Variants in SLIT2 observed in about 807,000 individuals in gnomAD.
SLIT2 encodes the protein slit homolog 2 protein.
SLIT2 carries 41 observed loss-of-function variants against 185.7 expected under a neutral mutation model. The ratio of observed to expected loss-of-function variants is 0.22; its 90% CI spans 0.17 to 0.29. The LOEUF (loss-of-function observed/expected upper bound fraction) is 0.29. SLIT2 is among the 10% of genes least tolerant of loss of function. The pLI is 1.00. For missense variants in SLIT2, 1,571 were observed against 1,909.0 expected, an observed-to-expected ratio of 0.82 and a Z score of 3.30; for synonymous variants, 693 against 680.2, an observed-to-expected ratio of 1.02 and a Z score of -0.29.
intron 6 of SLIT2, among the ~76,000 whole-genome samples, chr4:20,485,458 G>A (rs189905605): frequency 9.5e-4 from 145 of 152,210 alleles, no homozygotes; most frequent in Middle Eastern, 3.4e-3. Context: ...GGAAAAGTAA[G>A]GATGTTATTT....
At chr4:20,551,949 CTG>C (rs1235705987) in intron 25 of SLIT2, among the ~76,000 whole-genome samples, 1 of 152,146 alleles carries the variant, frequency 6.6e-6, no homozygotes, top group Non-Finnish European at 1.5e-5. Context: ...CTTATAGAGT[CTG>C]TGTTATCAAT....
chr4:20,330,717 A>G (rs1469885415), intron 4 of SLIT2, among the ~76,000 whole-genome samples: 1 of 150,138 alleles, frequency 6.7e-6, no homozygotes, highest in African/African-American at 2.5e-5. Context: ...TTTTTTTCCT[A>G]TTTCCAGAAA....
intron 4 of SLIT2, among the ~76,000 whole-genome samples, chr4:20,310,070 T>C (rs915780972): frequency 1.3e-5 from 2 of 152,080 alleles, no homozygotes; most frequent in South Asian, 2.1e-4. Flanking sequence ...CCCTCTAGTC[T>C]CTTATCAGAT....
intron 4 of SLIT2, among the ~76,000 whole-genome samples, chr4:20,315,041 AAC>A (rs1718450413): frequency 2.9e-5 from 4 of 138,274 alleles, no homozygotes; most frequent in East Asian, 6.4e-4. Flanking sequence ...AAAAATTATA[AAC>A]ATGTGATCAT....
intron 6 of SLIT2, among the ~76,000 whole-genome samples, chr4:20,482,414 A>G (rs1242017008): frequency 2.0e-5 from 3 of 152,024 alleles, no homozygotes; most frequent in Non-Finnish European, 4.4e-5. Context: ...GGTAGAGTGA[A>G]CACTATGCTA....
At chr4:20,359,801 G>A (rs1017826968) in intron 4 of SLIT2, among the ~76,000 whole-genome samples, 2 of 152,086 alleles carry the variant, frequency 1.3e-5, no homozygotes, top group Non-Finnish European at 2.9e-5. Context: ...GAGGTTTGCT[G>A]GAAGTTAGCT....
intron 4 of SLIT2, among the ~76,000 whole-genome samples, chr4:20,385,672 A>AC (rs1277037160): frequency 6.6e-6 from 1 of 152,116 alleles, no homozygotes; most frequent in African/African-American, 2.4e-5. Context: ...CTGTTTGCAA[A>AC]CCCAAGAGCA....
chr4:20,356,306 TC>T (rs1241853822), intron 4 of SLIT2, among the ~76,000 whole-genome samples: 2 of 152,204 alleles, frequency 1.3e-5, no homozygotes, highest in Non-Finnish European at 2.9e-5. Context: ...TCCACCCAGG[TC>T]AAATATCCCA....
At position 20,606,757 on chromosome 4, in the gene SLIT2, C is replaced by G. The variant is rs1202397791; in HGVS notation, c.3693-3256C>G. On this transcript the variant is annotated intron_variant, in intron 33 of 36. Coordinates refer to ENST00000504154, the MANE Select transcript of SLIT2 (RefSeq NM_004787.4). ...ATAATTTATATGCATTCTTCAAACT[C>G]TTATTGTAAGATCATTACTTTTATT... Among the ~76,000 whole-genome samples the G allele has an allele frequency of 5.3e-5, 8 of 152,258 alleles. No homozygotes were observed. In the East Asian group the frequency reaches 1.5e-3, roughly 29 times the overall value.
At chr4:20,446,019 T>A (rs185223901) in intron 4 of SLIT2, among the ~76,000 whole-genome samples, 51 of 152,304 alleles carry the variant, frequency 3.3e-4, no homozygotes, top group African/African-American at 1.2e-3. Context: ...TCATTCTCCA[T>A]CAGAGATAGA....
rs1441084303 is a variant in SLIT2, at chr4:20,463,463, A to G, written c.396-4289A>G. ...CTCAAACTGTGATATATATATATATATATATATATATATATATATATATAT... is the reference window on the plus strand; with the variant it reads ...CTCAAACTGTGATATATATATATATGTATATATATATATATATATATATAT... On this transcript the variant is annotated intron_variant, in intron 4 of 36. Transcript: ENST00000504154. 8.1e-4 allele frequency among the ~76,000 whole-genome samples: 55 copies of G among 67,538 alleles called. 2 individuals carry two copies. Among genetic ancestry groups the G allele is most frequent in the African/African-American group, 2.9e-3 (55 of 18,828 alleles). The allele number at this position is 67,538 out of a possible 152,430, so 44.3% of individuals were successfully genotyped here.
At chr4:20,452,612 CTCTTT>C (rs1712591982) in intron 4 of SLIT2, among the ~76,000 whole-genome samples, 2 of 152,230 alleles carry the variant, frequency 1.3e-5, no homozygotes, top group African/African-American at 4.8e-5. Context: ...CCCTTTCTTT[CTCTTT>C]TGTCTTTTGT....
chr4:20,563,517 G>T (rs1560198159), intron 26 of SLIT2, among the ~76,000 whole-genome samples: 1 of 151,738 alleles, frequency 6.6e-6, no homozygotes, highest in Non-Finnish European at 1.5e-5. Context: ...GTAAATCACA[G>T]TTGCTTTCCC....
At chr4:20,463,448 GATATATATATAT>G (rs56256520) in intron 4 of SLIT2, among the ~76,000 whole-genome samples, 1,489 of 67,298 alleles carry the variant, frequency 0.022, 55 homozygotes, top group African/African-American at 0.056. Context: ...CTCAAACTGT[GATATATATATAT>G]ATATATATAT....
chr4:20,314,775 A>G (rs1463713384), intron 4 of SLIT2, among the ~76,000 whole-genome samples: 11 of 152,160 alleles, frequency 7.2e-5, no homozygotes, highest in Admixed American at 7.2e-4. Context: ...GGTAATTCAC[A>G]AAGAACTGCA....
intron 16 of SLIT2, among the ~76,000 whole-genome samples, chr4:20,530,018 T>C (rs963548642): frequency 6.6e-6 from 1 of 152,170 alleles, no homozygotes; most frequent in African/African-American, 2.4e-5. Flanking sequence ...CTTAATTAAT[T>C]TTTAGCAATT....
chr4:20,301,353 G>T (rs1717019332), intron 4 of SLIT2, among the ~76,000 whole-genome samples: 1 of 151,982 alleles, frequency 6.6e-6, no homozygotes, highest in South Asian at 2.1e-4. Context: ...TTGCAATGCT[G>T]CAGTGAATCA....
intron 5 of SLIT2, among the ~76,000 whole-genome samples, chr4:20,473,565 G>A (rs1715792654): frequency 6.6e-6 from 1 of 152,022 alleles, no homozygotes; most frequent in South Asian, 2.1e-4. Context: ...ATTTACATTA[G>A]TTAGAAATTT....
At chr4:20,277,350 C>A (rs1312892174) in intron 4 of SLIT2, among the ~76,000 whole-genome samples, 1 of 151,970 alleles carries the variant, frequency 6.6e-6, no homozygotes, top group Non-Finnish European at 1.5e-5. Flanking sequence ...AACAGTTTAA[C>A]CTTGACCCTT....
Sources: allele counts gnomAD v4.1 joint callset (sites outside exome capture counted in the v4.1 genomes callset), GRCh38; gene constraint gnomAD v4.1.1; transcripts MANE v1.5; gene names NCBI Gene and HGNC (gene_info 2026-07-23, HGNC 2026-07-21).